Variants in ESYT2 observed in about 807,000 individuals in gnomAD.
ESYT2 encodes extended synaptotagmin-2.
In ESYT2, 54 loss-of-function variants were observed where a neutral mutation model predicts 107.2. The ratio of observed to expected loss-of-function variants is 0.50; its 90% CI spans 0.40 to 0.63. The LOEUF (loss-of-function observed/expected upper bound fraction) is 0.63. ESYT2 is among the 30% of genes least tolerant of loss of function. The probability of loss-of-function intolerance (pLI) is 0.00; values close to 1 mark genes in which losing one functional copy is unlikely to be tolerated. For missense variants in ESYT2, 1,020 were observed against 1,094.5 expected (o/e 0.93, Z 0.96); for synonymous variants, 491 against 434.1 (o/e 1.13, Z -1.63).
chr7:158,803,829 G>A (rs930719570), intron 1 of ESYT2, among the ~76,000 whole-genome samples: 4 of 133,722 alleles, frequency 3.0e-5, no homozygotes, highest in South Asian at 2.6e-4. Flanking sequence ...TGAGGCGCGC[G>A]ACAAACCCAA....
At chr7:158,748,351 G>C in intron 15 of ESYT2, 71 bp from the exon 16 acceptor site, 1 of 1,167,466 alleles carries the variant, frequency 8.6e-7, no homozygotes, top group Non-Finnish European at 1.2e-6. Flanking sequence ...TATGTGTTTA[G>C]AAGCTTAGAA....
At chr7:158,814,470 C>T (rs988887150) in intron 1 of ESYT2, among the ~76,000 whole-genome samples, 6 of 151,704 alleles carry the variant, frequency 4.0e-5, no homozygotes, top group Admixed American at 1.3e-4. Flanking sequence ...TTACTCGTCC[C>T]GATTACCCTC....
intron 1 of ESYT2, among the ~76,000 whole-genome samples, chr7:158,828,801 G>T (rs1334792277): frequency 6.6e-6 from 1 of 151,302 alleles, no homozygotes; most frequent in Admixed American, 6.6e-5. Context: ...CAGGTCGCCA[G>T]CAGGCTGGGA....
At chr7:158,784,039 G>A (rs1468067563) in intron 6 of ESYT2, among the ~76,000 whole-genome samples, 4 of 152,098 alleles carry the variant, frequency 2.6e-5, no homozygotes, top group African/African-American at 9.7e-5. Context: ...CAAAAGACCC[G>A]CCAAAGACAC....
In ESYT2 at chr7:158,731,393, C is replaced by T. The variant is rs937637790; in HGVS notation, c.*2814G>A. 1 of 152,250 alleles carries T rather than the reference C, an allele frequency of 6.6e-6. No individual in the cohort carries two copies. Among genetic ancestry groups the T allele is most frequent in the African/African-American group, 2.4e-5 (1 of 41,446 alleles). The allele number at this position is 152,250 out of a possible 1,614,324, so 9.4% of individuals were successfully genotyped here. A position where few individuals can be genotyped will look rare whatever the true frequency, so the allele number is the denominator to read the frequency against. ...CTTGGCTCACTGCAACCTCCGCCTC[C>T]TGGGTTCAAGCAATTCTCCTGCCTC... On this transcript the variant is annotated 3_prime_UTR_variant, in exon 23 of 23. Transcript: ENST00000275418.
intron 6 of ESYT2, among the ~76,000 whole-genome samples, chr7:158,774,814 G>A (rs550930729): frequency 1.1e-4 from 17 of 152,278 alleles, no homozygotes; most frequent in Non-Finnish European, 1.8e-4. Flanking sequence ...CTCACACAGC[G>A]CACCATCAGA....
chr7:158,755,295 G>A (rs541393767), intron 13 of ESYT2, among the ~76,000 whole-genome samples: 3 of 152,300 alleles, frequency 2.0e-5, no homozygotes, highest in African/African-American at 7.2e-5. Context: ...CTGGCTTCAC[G>A]TTGAAAACCA....
At chr7:158,793,077 T>TAAC (rs71302084) in intron 4 of ESYT2, among the ~76,000 whole-genome samples, 19,370 of 152,128 alleles carry the variant, frequency 0.13, 1,378 homozygotes, top group African/African-American at 0.2. Context: ...CCACTGAGTA[T>TAAC]GTTAACTGTG....
intron 14 of ESYT2, 57 bp downstream of exon 14, chr7:158,752,724 A>C: frequency 3.5e-6 from 4 of 1,143,106 alleles, no homozygotes; most frequent in Non-Finnish European, 4.7e-6. Flanking sequence ...GAGACAAAGT[A>C]TCATCTCTTT....
chr7:158,776,868 T>G (rs1370185193), intron 6 of ESYT2, among the ~76,000 whole-genome samples: 1 of 152,050 alleles, frequency 6.6e-6, no homozygotes, highest in Non-Finnish European at 1.5e-5. Flanking sequence ...TTTTTTTTTT[T>G]TTGAGACAGA....
chr7:158,735,573 C>T lies in ESYT2; in HGVS notation c.2435G>A (p.Arg812Lys). Residue 812 changes from arginine to lysine, a missense_variant, in exon 21 of 23, where the codon AGG (arginine) becomes AAG (lysine). Arg to Lys is a conservative substitution (Grantham distance 26). Transcript: ENST00000275418. ...CTTCACGGCAACGTCGAGCGTTCTC[C>T]TCTGCACTTCTGGTAACGAAACACT... ...DFSVSLPEVQ[R>K]RTLDVAVKNS... is the part of the protein sequence containing the mutation. 2 of 1,614,106 alleles carry T rather than the reference C, an allele frequency of 1.2e-6. No individual in the cohort carries two copies. The highest frequency in any genetic ancestry group is 8.5e-7 in the Non-Finnish European group (1 of 1,179,966).
intron 16 of ESYT2, among the ~76,000 whole-genome samples, chr7:158,747,588 C>T (rs753733489): frequency 6.6e-6 from 1 of 152,116 alleles, no homozygotes; most frequent in African/African-American, 2.4e-5. Flanking sequence ...GGGGCCCGCT[C>T]GACTCACATG....
In ESYT2 at chr7:158,828,981, G is replaced by A. The variant is rs1469140212; in HGVS notation, c.330+108C>T. 6 of 1,481,668 alleles carry A rather than the reference G, an allele frequency of 4.0e-6. No homozygotes were observed. In the Admixed American group the frequency reaches 9.1e-5, roughly 22 times the overall value. 91.8% of individuals were successfully genotyped at this position (1,481,668 alleles called of 1,614,324 possible). ...AGGCGGGAGCCGGGGCAGGGCTGGG[G>A]TCTGCACTCACCCAGGCGGCAGGTC... On this transcript the variant is annotated intron_variant, in intron 1 of 22. Transcript: ENST00000275418.
intron 13 of ESYT2, among the ~76,000 whole-genome samples, chr7:158,754,741 A>G (rs1837695712): frequency 6.6e-6 from 1 of 152,184 alleles, no homozygotes; most frequent in Non-Finnish European, 1.5e-5. Flanking sequence ...AGAGGCGCCA[A>G]GCACCCCGAC....
At chr7:158,762,381 T>C (rs1838001946) in intron 10 of ESYT2, among the ~76,000 whole-genome samples, 1 of 152,150 alleles carries the variant, frequency 6.6e-6, no homozygotes, top group Non-Finnish European at 1.5e-5. Context: ...CTCTCAATTG[T>C]TCCTAGTTGT....
chr7:158,741,172 C>T (rs574076400), intron 18 of ESYT2, among the ~76,000 whole-genome samples: 16 of 152,270 alleles, frequency 1.1e-4, no homozygotes, highest in African/African-American at 2.2e-4. Flanking sequence ...CTCCAGTGGC[C>T]GCAGCGAGGC....
rs1290162024 is a variant in ESYT2 at position 158,734,054 on chromosome 7, T to C, written c.*153A>G. The stretch of plus-strand genomic sequence containing the variant: ...AATTCAATGATAATATTGGCCAAAT[T>C]TGCCTGAAATGTCAACAATTTTATA... On this transcript the variant is annotated 3_prime_UTR_variant, in exon 23 of 23. Transcript: ENST00000275418. 14 of 933,292 alleles carry C rather than the reference T, an allele frequency of 1.5e-5. No homozygotes were observed. The highest frequency in any genetic ancestry group is 2.2e-5 in the Non-Finnish European group (14 of 635,528). The allele number at this position is 933,292 out of a possible 1,614,324, so 57.8% of individuals were successfully genotyped here.
At chr7:158,778,426 T>C (rs1035618038) in intron 6 of ESYT2, among the ~76,000 whole-genome samples, 2 of 151,620 alleles carry the variant, frequency 1.3e-5, no homozygotes, top group African/African-American at 4.9e-5. Flanking sequence ...ACACTGGCTT[T>C]AGTCAAGTTA....
intron 17 of ESYT2, 43 bp downstream of exon 17, chr7:158,743,486 C>T (rs1370640070): frequency 6.4e-7 from 1 of 1,566,890 alleles, no homozygotes; most frequent in Non-Finnish European, 8.6e-7. Context: ...CCAGCACCCG[C>T]CTCCCCATCC....
Sources: gnomAD v4.1 joint callset for allele counts (sites outside exome capture counted in the v4.1 genomes callset) on GRCh38, gnomAD v4.1.1 for gene constraint, MANE v1.5 for transcripts, NCBI Gene and HGNC (gene_info 2026-07-23, HGNC 2026-07-21) for gene names.